Variants in NPAS3 observed in about 807,000 individuals in gnomAD.
The protein encoded by NPAS3 is neuronal PAS domain protein 3.
In NPAS3, 14 loss-of-function variants were observed where a neutral mutation model predicts 73.1. The observed-to-expected ratio is 0.19, with a 90% CI of 0.13 to 0.30. The LOEUF (loss-of-function observed/expected upper bound fraction) is 0.30. Ranked by LOEUF, NPAS3 falls within the 10% of genes least tolerant of loss-of-function variation. NPAS3 has a pLI of 1.00. For missense variants in NPAS3, 1,096 were observed against 1,250.0 expected (o/e 0.88, Z 1.86); for synonymous variants, 620 against 541.5 (o/e 1.14, Z -2.01).
At chr14:33,582,923 G>A (rs1270507665) in intron 5 of NPAS3, among the ~76,000 whole-genome samples, 2 of 143,700 alleles carry the variant, frequency 1.4e-5, no homozygotes, top group African/African-American at 5.4e-5. Context: ...AAAATACATA[G>A]ATATTTCTTC....
At chr14:33,199,305 T>C (rs186306279) in intron 2 of NPAS3, among the ~76,000 whole-genome samples, 1 of 152,326 alleles carries the variant, frequency 6.6e-6, no homozygotes, top group East Asian at 1.9e-4. Flanking sequence ...ACTGCCTCTG[T>C]CTACTTTTTG....
At chr14:32,946,635 G>C (rs184605694) in intron 1 of NPAS3, among the ~76,000 whole-genome samples, 9 of 152,138 alleles carry the variant, frequency 5.9e-5, no homozygotes, top group Middle Eastern at 3.4e-3. Context: ...AAAATAATAG[G>C]TATAATAGAA....
At chr14:33,001,452 G>A (rs1267342025) in intron 1 of NPAS3, among the ~76,000 whole-genome samples, 2 of 152,052 alleles carry the variant, frequency 1.3e-5, no homozygotes, top group East Asian at 1.9e-4. Context: ...TCTAGAGCAC[G>A]TCCTTCTTTT....
intron 4 of NPAS3, among the ~76,000 whole-genome samples, chr14:33,367,881 C>A (rs1048142792): frequency 6.6e-6 from 1 of 151,960 alleles, no homozygotes; most frequent in Non-Finnish European, 1.5e-5. Flanking sequence ...GTTACCTAGC[C>A]CGAGAGAAAA....
At chr14:33,446,276 C>G (rs1008430374) in intron 4 of NPAS3, among the ~76,000 whole-genome samples, 1 of 149,896 alleles carries the variant, frequency 6.7e-6, no homozygotes, top group Non-Finnish European at 1.5e-5. Flanking sequence ...CCCGGGTTCA[C>G]GCCATTCTCC....
chr14:33,184,431 C>A (rs979155240), intron 2 of NPAS3, among the ~76,000 whole-genome samples: 7 of 152,054 alleles, frequency 4.6e-5, no homozygotes, highest in Non-Finnish European at 8.8e-5. Context: ...GAGGCCTTTA[C>A]AACATGTTGA....
chr14:33,631,223 C>T (rs1012408405), intron 5 of NPAS3, among the ~76,000 whole-genome samples: 1 of 152,156 alleles, frequency 6.6e-6, no homozygotes, highest in Non-Finnish European at 1.5e-5. Flanking sequence ...CAGCCAAGTC[C>T]TTGGTGTGAT....
At chr14:33,204,761 G>A (rs2046761258) in intron 2 of NPAS3, among the ~76,000 whole-genome samples, 2 of 152,152 alleles carry the variant, frequency 1.3e-5, no homozygotes, top group South Asian at 2.1e-4. Context: ...TAAGACCCTT[G>A]TGGGATAACT....
intron 3 of NPAS3, among the ~76,000 whole-genome samples, chr14:33,238,389 A>G (rs1177850756): frequency 3.3e-5 from 5 of 152,042 alleles, no homozygotes; most frequent in Non-Finnish European, 7.4e-5. Context: ...TTCTATTTCC[A>G]TTCTCTCTGT....
chr14:33,383,717 G>A (rs990961153), intron 4 of NPAS3, among the ~76,000 whole-genome samples: 5 of 152,142 alleles, frequency 3.3e-5, no homozygotes, highest in Admixed American at 6.5e-5. Flanking sequence ...AATGCACCTA[G>A]GAGGAATATT....
In NPAS3 at chr14:33,073,090, C is replaced by A. The variant is rs1349216796; in HGVS notation, c.140+17096C>A. The stretch of plus-strand genomic sequence containing the variant: ...TTAATATTCCATTTTAATCACTGGG[C>A]AAATTGGTCGTGTTTTATTTGGGGA... On this transcript the variant is annotated intron_variant, in intron 2 of 11. Coordinates refer to ENST00000356141, the Ensembl canonical transcript of NPAS3. Among the ~76,000 whole-genome samples the A allele has an allele frequency of 3.3e-5, 5 of 151,942 alleles. No homozygotes were observed. In the East Asian group the frequency reaches 9.7e-4, roughly 29 times the overall value.
chr14:33,632,842 T>C (rs931436105), intron 5 of NPAS3, among the ~76,000 whole-genome samples: 1 of 152,178 alleles, frequency 6.6e-6, no homozygotes, highest in Non-Finnish European at 1.5e-5. Context: ...TACCTTCTTT[T>C]ATAGGAAAAG....
At chr14:33,035,958 A>G (rs1236698156) in intron 1 of NPAS3, among the ~76,000 whole-genome samples, 2 of 152,214 alleles carry the variant, frequency 1.3e-5, no homozygotes, top group African/African-American at 4.8e-5. Flanking sequence ...TGACAAAAAC[A>G]AAAGCATCTT....
intron 2 of NPAS3, among the ~76,000 whole-genome samples, chr14:33,201,986 A>G (rs1409329262): frequency 1.3e-5 from 2 of 152,232 alleles, no homozygotes; most frequent in African/African-American, 2.4e-5. Flanking sequence ...GTATGTACTT[A>G]TATTATGATA....
intron 5 of NPAS3, among the ~76,000 whole-genome samples, chr14:33,615,006 G>A (rs1185622226): frequency 6.6e-6 from 1 of 152,158 alleles, no homozygotes; most frequent in Admixed American, 6.5e-5. Context: ...GCTGCACTGT[G>A]ACTGGGCCTT....
intron 4 of NPAS3, among the ~76,000 whole-genome samples, chr14:33,426,376 C>T (rs1353808983): frequency 6.6e-6 from 1 of 151,974 alleles, no homozygotes. Context: ...AGGTTTAAAT[C>T]TCTTCAGAGA....
intron 2 of NPAS3, among the ~76,000 whole-genome samples, chr14:33,166,854 G>A (rs1226763756): frequency 1.3e-5 from 2 of 152,250 alleles, no homozygotes; most frequent in East Asian, 3.9e-4. Flanking sequence ...AGCTTAGGAG[G>A]AAAAGGTTAA....
chr14:33,519,191 T>C (rs758255438), intron 4 of NPAS3, among the ~76,000 whole-genome samples: 100 of 152,156 alleles, frequency 6.6e-4, no homozygotes, highest in Non-Finnish European at 2.8e-4. Flanking sequence ...ACTGTTTCGC[T>C]GGCATCCTTT....
chr14:33,448,504 A>G (rs1383420799), intron 4 of NPAS3, among the ~76,000 whole-genome samples: 1 of 152,208 alleles, frequency 6.6e-6, no homozygotes, highest in Non-Finnish European at 1.5e-5. Flanking sequence ...TTGATAGCAT[A>G]CATTTTGCAT....
Sources: allele counts gnomAD v4.1 joint callset (sites outside exome capture counted in the v4.1 genomes callset), GRCh38; gene constraint gnomAD v4.1.1; transcripts MANE v1.5; gene names NCBI Gene and HGNC (gene_info 2026-07-23, HGNC 2026-07-21).